Variants in PCDH15 observed in about 807,000 individuals in gnomAD.
PCDH15 encodes the protein protocadherin related 15, also known as protocadherin-15.
In PCDH15, 129 loss-of-function variants were observed where a neutral mutation model predicts 178.5. That is an observed-to-expected ratio of 0.72 (90% CI 0.63 to 0.84). The LOEUF (loss-of-function observed/expected upper bound fraction) is 0.84. Among genes scored for constraint, PCDH15 ranks in the 40% least tolerant of loss-of-function variants. PCDH15 has a pLI of 0.00. For missense variants in PCDH15, 2,230 were observed against 2,099.9 expected (o/e 1.06, Z -1.21); for synonymous variants, 800 against 732.0 (o/e 1.09, Z -1.50).
At chr10:54,589,721 C>G in intron 2 of PCDH15, among the ~76,000 whole-genome samples, 1 of 152,098 alleles carries the variant, frequency 6.6e-6, no homozygotes. Context: ...CCACCTCAGC[C>G]TCCCGAGTAG....
intron 21 of PCDH15, among the ~76,000 whole-genome samples, chr10:53,978,696 A>C (rs180896743): frequency 9.9e-5 from 15 of 150,880 alleles, no homozygotes; most frequent in African/African-American, 3.7e-4. Context: ...TCAGGCTGCA[A>C]ATTTTTCAAG....
chr10:54,614,236 G>A (rs527904692), intron 2 of PCDH15, among the ~76,000 whole-genome samples: 1 of 152,032 alleles, frequency 6.6e-6, no homozygotes, highest in East Asian at 1.9e-4. Flanking sequence ...CACTAGCCTA[G>A]AGGGCTGAGA....
chr10:54,575,072 T>C (rs1590209026), intron 2 of PCDH15, among the ~76,000 whole-genome samples: 1 of 134,574 alleles, frequency 7.4e-6, no homozygotes, highest in Non-Finnish European at 1.6e-5. Context: ...GCACCACATA[T>C]TCTCACTCAT....
intron 1 of PCDH15, among the ~76,000 whole-genome samples, chr10:54,665,474 T>C (rs892146362): frequency 2.6e-5 from 4 of 152,180 alleles, no homozygotes; most frequent in Non-Finnish European, 5.9e-5. Context: ...AGGATAAGGT[T>C]TATCAGAGGG....
chr10:54,766,939 A>AC (rs1555187158), intron 1 of PCDH15, among the ~76,000 whole-genome samples: 3 of 148,912 alleles, frequency 2.0e-5, no homozygotes, highest in African/African-American at 7.4e-5. Context: ...CAAAAAAACA[A>AC]AAAAAAAAAT....
chr10:55,590,990 A>C (rs1244211888), intron 2 of PCDH15, among the ~76,000 whole-genome samples: 2 of 152,124 alleles, frequency 1.3e-5, no homozygotes, highest in Non-Finnish European at 2.9e-5. Flanking sequence ...AATATAATCT[A>C]ACCCAATTAT....
Position 54,195,463 on chromosome 10 carries a change from A to T in PCDH15, c.1305+220T>A, listed in dbSNP as rs78190625. 1.5e-4 allele frequency among the ~76,000 whole-genome samples: 23 copies of T among 152,336 alleles called. No individual in the cohort carries two copies. The East Asian group carries it at 4.4e-3, about 29-fold the overall frequency. ...TCAAGTAAAACATTCATTTTCTTAC[A>T]TATACTGAATATCTGCAAGCTGAAA... On this transcript the variant is annotated intron_variant, in intron 11 of 37. Transcript: ENST00000644397.
intron 3 of PCDH15, among the ~76,000 whole-genome samples, chr10:54,510,477 C>T (rs534215395): frequency 9.6e-4 from 146 of 152,272 alleles, no homozygotes; most frequent in South Asian, 2.5e-3. Flanking sequence ...AGAGTAACTT[C>T]AGCAGATGGA....
intron 3 of PCDH15, among the ~76,000 whole-genome samples, chr10:54,447,815 A>G (rs2136244109): frequency 6.6e-6 from 1 of 151,862 alleles, no homozygotes; most frequent in Non-Finnish European, 1.5e-5. Context: ...TAAAAGGATA[A>G]CCAATCAATA....
intron 1 of PCDH15, among the ~76,000 whole-genome samples, chr10:54,704,971 T>C (rs565950047): frequency 1.3e-5 from 2 of 152,292 alleles, no homozygotes; most frequent in South Asian, 2.1e-4. Flanking sequence ...GCAGCACTTA[T>C]GCAGCATGTC....
chr10:54,144,364 T>G (rs2043698590), intron 14 of PCDH15, among the ~76,000 whole-genome samples: 1 of 152,130 alleles, frequency 6.6e-6, no homozygotes, highest in African/African-American at 2.4e-5. Context: ...CTTTTGTGAA[T>G]TGTTTTCTGT....
intron 2 of PCDH15, among the ~76,000 whole-genome samples, chr10:54,632,011 T>A (rs575608623): frequency 6.6e-6 from 1 of 152,196 alleles, no homozygotes; most frequent in South Asian, 2.1e-4. Flanking sequence ...CAGCCAAACC[T>A]TATCATCAAG....
At chr10:55,305,502 A>G (rs1168505302) in intron 1 of PCDH15, among the ~76,000 whole-genome samples, 1 of 152,216 alleles carries the variant, frequency 6.6e-6, no homozygotes, top group Non-Finnish European at 1.5e-5. Flanking sequence ...GTTGTCCCTC[A>G]TGGCACAGAG....
At chr10:55,294,759 T>C (rs192274470) in intron 1 of PCDH15, among the ~76,000 whole-genome samples, 333 of 152,298 alleles carry the variant, frequency 2.2e-3, no homozygotes, top group Non-Finnish European at 3.6e-3. Flanking sequence ...AATTGCTCAC[T>C]CTCACATATA....
At chr10:54,614,988 C>G (rs761299846) in intron 2 of PCDH15, among the ~76,000 whole-genome samples, 1 of 151,864 alleles carries the variant, frequency 6.6e-6, no homozygotes, top group Non-Finnish European at 1.5e-5. Context: ...TTTGCTATTT[C>G]TGATTTGGGC....
chr10:55,544,847 T>C (rs1001584908), intron 2 of PCDH15, among the ~76,000 whole-genome samples: 20 of 151,956 alleles, frequency 1.3e-4, no homozygotes, highest in African/African-American at 4.4e-4. Context: ...AAAAGAAAAC[T>C]TTACACGTAA....
chr10:54,195,833 T>C lies in PCDH15; in HGVS notation c.1155A>G (p.Ile385Met), dbSNP rs2049561986. 1 of 1,613,938 alleles carries C rather than the reference T, an allele frequency of 6.2e-7. No individual in the cohort carries two copies. The highest frequency in any genetic ancestry group is 1.3e-5 in the African/African-American group (1 of 74,930). The stretch of plus-strand genomic sequence containing the variant: ...ATGGACTTTGATTGTTTTCATCCAG[T>C]ATTTCAATGTGTAGACCGGCAAAGG... The part of the protein sequence containing the change: ...LPAFAGLHIE[I>M]LDENNQSPYF... Residue 385 changes from isoleucine to methionine, a missense_variant, in exon 11 of 38, where the codon ATA (isoleucine) becomes ATG (methionine). By Grantham distance (10) the Ile-to-Met change is conservative. Coordinates refer to ENST00000644397, the MANE Select transcript of PCDH15 (RefSeq NM_001384140.1).
intron 15 of PCDH15, among the ~76,000 whole-genome samples, chr10:54,120,592 A>T (rs375467404): frequency 3.9e-5 from 6 of 152,166 alleles, no homozygotes; most frequent in Admixed American, 3.9e-4. Flanking sequence ...ATGGAGTAAG[A>T]TCTACTATGC....
intron 18 of PCDH15, among the ~76,000 whole-genome samples, chr10:54,026,409 A>C (rs574305221): frequency 6.6e-6 from 1 of 152,282 alleles, no homozygotes; most frequent in African/African-American, 2.4e-5. Context: ...GCAGATATTC[A>C]TTAAGCAGAC....
Sources: gnomAD v4.1 joint callset for allele counts (sites outside exome capture counted in the v4.1 genomes callset) on GRCh38, gnomAD v4.1.1 for gene constraint, MANE v1.5 for transcripts, NCBI Gene and HGNC (gene_info 2026-07-23, HGNC 2026-07-21) for gene names.